NALF1: variants seen among roughly 807,000 people sequenced by gnomAD.
NALF1 encodes the protein NALCN channel auxiliary factor 1, also known as family with sequence similarity 155 member A.
A neutral mutation model predicts 48.4 loss-of-function variants in NALF1; 3 were observed. The observed-to-expected ratio is 0.06, with a 90% CI of 0.03 to 0.16. The LOEUF is 0.16. Ranked by LOEUF, NALF1 falls within the 10% of genes least tolerant of loss-of-function variation. NALF1 has a pLI of 1.00. For synonymous variants in NALF1, 262 were observed against 245.7 expected (o/e 1.07, Z -0.62); for missense variants, 526 against 571.5 (o/e 0.92, Z 0.81).
At chr13:107,724,534 C>T (rs1455997598) in intron 1 of NALF1, among the ~76,000 whole-genome samples, 1 of 151,836 alleles carries the variant, frequency 6.6e-6, no homozygotes, top group Non-Finnish European at 1.5e-5. Flanking sequence ...CACTCATATA[C>T]CATCCCTCCC....
chr13:107,232,344 T>A (rs1468630016), intron 1 of NALF1, among the ~76,000 whole-genome samples: 1 of 151,858 alleles, frequency 6.6e-6, no homozygotes, highest in Non-Finnish European at 1.5e-5. Flanking sequence ...ATGGAGAGGG[T>A]CGCGGTCACT....
chr13:107,711,214 G>GTTAC (rs752168124), intron 1 of NALF1, among the ~76,000 whole-genome samples: 33 of 152,212 alleles, frequency 2.2e-4, no homozygotes, highest in Middle Eastern at 3.4e-3. Context: ...ATGTCACAGT[G>GTTAC]TTACCCACAC....
intron 1 of NALF1, among the ~76,000 whole-genome samples, chr13:107,507,283 T>C (rs1162655867): frequency 1.3e-5 from 2 of 152,120 alleles, no homozygotes; most frequent in Non-Finnish European, 1.5e-5. Flanking sequence ...TGAAGGTTTT[T>C]AACTATAAAA....
chr13:107,865,840 T>C lies in NALF1; in HGVS notation c.757A>G (p.Lys253Glu), dbSNP rs764515054. 1 of 1,613,984 alleles carries C rather than the reference T, an allele frequency of 6.2e-7. No homozygotes were observed. Among genetic ancestry groups the C allele is most frequent in the Non-Finnish European group, 8.5e-7 (1 of 1,179,962 alleles). Residue 253 changes from lysine (K) to glutamate (E), a missense_variant, in exon 1 of 3, where the codon AAG (lysine) becomes GAG (glutamate). By Grantham distance (56) the Lys-to-Glu change is moderately conservative. Coordinates refer to ENST00000375915, the MANE Select transcript of NALF1 (RefSeq NM_001080396.3). ...CAAGTGGTCATCTCGCCGCCTTCCT[T>C]GAGCACCACATCCAGACTGCAGTTC... The part of the protein sequence containing the change: ...TLNCSLDVVL[K>E]EGGEMTTCRQ...
intron 1 of NALF1, among the ~76,000 whole-genome samples, chr13:107,506,517 T>G (rs1159003083): frequency 1.3e-5 from 2 of 152,130 alleles, no homozygotes; most frequent in Non-Finnish European, 2.9e-5. Context: ...AGAACATTCT[T>G]GTTACCCTTA....
chr13:107,533,462 A>G (rs577565808), intron 1 of NALF1, among the ~76,000 whole-genome samples: 4 of 152,192 alleles, frequency 2.6e-5, no homozygotes, highest in South Asian at 4.2e-4. Context: ...TTCCTCCCCT[A>G]CAGAGGAGGC....
rs370185418 is a variant in NALF1 at position 107,608,856 on chromosome 13, GA to G, written c.915+256825del. 2.9e-4 allele frequency among the ~76,000 whole-genome samples: 44 copies of G among 152,324 alleles called. No individual in the cohort carries two copies. In the East Asian group the frequency reaches 7.0e-3, roughly 24 times the overall value. On this transcript the variant is annotated intron_variant, in intron 1 of 2. Coordinates refer to ENST00000375915, the MANE Select transcript of NALF1 (RefSeq NM_001080396.3). ...AGATGGAGAGTGACTCTGCTGGAAG[GA>G]AGGCAGGTGAGGTTAAGCTAACGAT...
At chr13:107,697,198 T>C (rs1047335834) in intron 1 of NALF1, among the ~76,000 whole-genome samples, 3 of 152,158 alleles carry the variant, frequency 2.0e-5, no homozygotes, top group African/African-American at 7.2e-5. Context: ...AACAACCTAA[T>C]GCCTCACTTC....
intron 1 of NALF1, among the ~76,000 whole-genome samples, chr13:107,839,123 T>G (rs1407366630): frequency 6.6e-6 from 1 of 151,986 alleles, no homozygotes; most frequent in Non-Finnish European, 1.5e-5. Context: ...ATATATTTGC[T>G]ATGTAACAAG....
intron 1 of NALF1, among the ~76,000 whole-genome samples, chr13:107,565,216 A>G (rs552393931): frequency 2.0e-5 from 3 of 151,454 alleles, no homozygotes; most frequent in Non-Finnish European, 4.4e-5. Flanking sequence ...CCAAATAAGA[A>G]ATTTTTAAAA....
intron 1 of NALF1, among the ~76,000 whole-genome samples, chr13:107,562,823 T>C (rs1487573758): frequency 6.6e-6 from 1 of 152,078 alleles, no homozygotes; most frequent in Non-Finnish European, 1.5e-5. Context: ...CAGGAGTGAG[T>C]GCTATGAGTG....
At chr13:107,782,027 C>T (rs1236466031) in intron 1 of NALF1, among the ~76,000 whole-genome samples, 1 of 152,020 alleles carries the variant, frequency 6.6e-6, no homozygotes, top group Non-Finnish European at 1.5e-5. Flanking sequence ...AATCTTCTCT[C>T]CCTCTCCCTC....
chr13:107,429,370 T>C (rs778546523), intron 1 of NALF1, among the ~76,000 whole-genome samples: 1 of 151,998 alleles, frequency 6.6e-6, no homozygotes, highest in African/African-American at 2.4e-5. Flanking sequence ...TCCATGTGTT[T>C]ATTATGCTGA....
chr13:107,864,945 C>G (rs1381368099), intron 1 of NALF1, among the ~76,000 whole-genome samples: 1 of 152,152 alleles, frequency 6.6e-6, no homozygotes, highest in African/African-American at 2.4e-5. Flanking sequence ...TTTAATACTT[C>G]TGGAAAGCAT....
At chr13:107,435,652 T>A (rs965852721) in intron 1 of NALF1, among the ~76,000 whole-genome samples, 1 of 152,160 alleles carries the variant, frequency 6.6e-6, no homozygotes. Context: ...AACAGGCTGA[T>A]GGTACAGTGT....
In NALF1 at chr13:107,222,444, T is replaced by A. The variant is rs546010208; in HGVS notation, c.916-11689A>T. On this transcript the variant is annotated intron_variant, in intron 1 of 2. Transcript: ENST00000375915. ...GAACTGTTATATAATGTGTACATTA[T>A]ACAACACACACAGAGCACAAGTGAT... Among the ~76,000 whole-genome samples, 14 of 152,338 alleles carry A rather than the reference T, an allele frequency of 9.2e-5. No homozygotes were observed. In the South Asian group the frequency reaches 2.9e-3, roughly 32 times the overall value.
intron 1 of NALF1, among the ~76,000 whole-genome samples, chr13:107,679,882 A>T (rs1315524821): frequency 6.6e-6 from 1 of 152,222 alleles, no homozygotes; most frequent in Non-Finnish European, 1.5e-5. Context: ...ACCTGGGTGT[A>T]TTTGAATCCA....
intron 1 of NALF1, among the ~76,000 whole-genome samples, chr13:107,435,883 A>G (rs1485148181): frequency 6.6e-6 from 1 of 152,128 alleles, no homozygotes; most frequent in Non-Finnish European, 1.5e-5. Flanking sequence ...TCTGCAACCT[A>G]CTTAACCTGG....
chr13:107,821,787 T>A (rs1224946394), intron 1 of NALF1, among the ~76,000 whole-genome samples: 3 of 152,222 alleles, frequency 2.0e-5, no homozygotes, highest in Non-Finnish European at 4.4e-5. Context: ...AAAGTAAGAT[T>A]TTAAGCGAAT....
Sources: allele counts gnomAD v4.1 joint callset (sites outside exome capture counted in the v4.1 genomes callset), GRCh38; gene constraint gnomAD v4.1.1; transcripts MANE v1.5; gene names NCBI Gene and HGNC (gene_info 2026-07-23, HGNC 2026-07-21).